SH3BGRL: variants seen among roughly 807,000 people sequenced by gnomAD.
SH3BGRL encodes the protein adapter SH3BGRL.
Under a neutral mutation model 9.8 loss-of-function variants are expected in SH3BGRL, and 7 were observed. The ratio of observed to expected loss-of-function variants is 0.72; its 90% confidence interval spans 0.41 to 1.35. SH3BGRL has a LOEUF of 1.35. Ranked by LOEUF, SH3BGRL falls within the 40% of genes most tolerant of loss-of-function variation. The pLI is 0.01. For missense variants in SH3BGRL, 73 were observed against 84.4 expected (o/e 0.86, Z 0.53); for synonymous variants, 36 against 29.1 (o/e 1.24, Z -0.76).
chrX:81,274,570 C>T (rs987734133), intron 1 of SH3BGRL, among the ~76,000 whole-genome samples: 2 of 108,506 alleles, frequency 1.8e-5, no homozygotes, highest in Non-Finnish European at 3.8e-5. Flanking sequence ...CTAGCCTGGG[C>T]GACAGAGCTA....
chrX:81,215,359 A>G (rs945912594), intron 1 of SH3BGRL, among the ~76,000 whole-genome samples: 33 of 111,199 alleles, frequency 3.0e-4, no homozygotes, highest in Middle Eastern at 4.6e-3. Context: ...CCGATTCTGA[A>G]TCTATGATTT....
At chrX:81,279,765 A>C (rs747201950) in intron 3 of SH3BGRL, among the ~76,000 whole-genome samples, 201 of 111,005 alleles carry the variant, frequency 1.8e-3, no homozygotes, top group African/African-American at 6.2e-3. Flanking sequence ...CAGGGGTTAA[A>C]ACTCCACAGA....
intron 1 of SH3BGRL, among the ~76,000 whole-genome samples, chrX:81,245,436 C>T (rs1342641771): frequency 9.0e-6 from 1 of 111,540 alleles, no homozygotes; most frequent in African/African-American, 3.3e-5. Context: ...AGATTTCTTC[C>T]TTTGCACACA....
chrX:81,207,449 C>T (rs2075550908), intron 1 of SH3BGRL, among the ~76,000 whole-genome samples: 1 of 112,196 alleles, frequency 8.9e-6, no homozygotes, highest in Non-Finnish European at 1.9e-5. Flanking sequence ...TGTAATTAGT[C>T]ACTAGTCACA....
At chrX:81,266,990 T>C (rs759428072) in intron 1 of SH3BGRL, among the ~76,000 whole-genome samples, 205 of 111,778 alleles carry the variant, frequency 1.8e-3, no homozygotes, top group African/African-American at 4.5e-3. Flanking sequence ...AGTTCACTCA[T>C]GGTTTGGCTC....
At chrX:81,264,082 G>A (rs778118623) in intron 1 of SH3BGRL, among the ~76,000 whole-genome samples, 1 of 109,692 alleles carries the variant, frequency 9.1e-6, no homozygotes, top group Non-Finnish European at 1.9e-5. Context: ...TCAAGAGAAA[G>A]GAGATTATAA....
chrX:81,274,825 T>G (rs1043581295), intron 1 of SH3BGRL, among the ~76,000 whole-genome samples: 1 of 111,734 alleles, frequency 8.9e-6, no homozygotes, highest in African/African-American at 3.3e-5. Flanking sequence ...TTTTTTAACT[T>G]TCCCTGAAGA....
chrX:81,288,051 C>T (rs1424714059), intron 3 of SH3BGRL, among the ~76,000 whole-genome samples: 1 of 111,195 alleles, frequency 9.0e-6, no homozygotes, highest in African/African-American at 3.3e-5. Flanking sequence ...AATATATTAG[C>T]AAACAGAATT....
chrX:81,232,686 T>G (rs1285610041), intron 1 of SH3BGRL, among the ~76,000 whole-genome samples: 1 of 110,827 alleles, frequency 9.0e-6, no homozygotes, highest in Non-Finnish European at 1.9e-5. Context: ...TTACTATTTT[T>G]GAGGTCCAGC....
intron 3 of SH3BGRL, among the ~76,000 whole-genome samples, chrX:81,284,056 A>G (rs1276702546): frequency 1.8e-5 from 2 of 109,265 alleles, no homozygotes; most frequent in African/African-American, 6.7e-5. Flanking sequence ...CAAGAACTCA[A>G]CCCCTTTTAT....
chrX:81,225,455 G>T (rs971122289), intron 1 of SH3BGRL, among the ~76,000 whole-genome samples: 85 of 110,546 alleles, frequency 7.7e-4, no homozygotes, highest in African/African-American at 2.7e-3. Flanking sequence ...ATTTAACTCT[G>T]CATGACTATG....
chrX:81,289,896 T>A (rs1369986144), intron 3 of SH3BGRL, among the ~76,000 whole-genome samples: 1 of 111,548 alleles, frequency 9.0e-6, no homozygotes, highest in African/African-American at 3.3e-5. Flanking sequence ...ATTCTAATAA[T>A]CCAATTAAAA....
intron 1 of SH3BGRL, among the ~76,000 whole-genome samples, chrX:81,235,532 G>A: frequency 9.0e-6 from 1 of 110,886 alleles, no homozygotes; most frequent in East Asian, 2.8e-4. Context: ...ATAGTTTACT[G>A]TTTTCAGATA....
At chrX:81,264,124 T>C (rs939017628) in intron 1 of SH3BGRL, among the ~76,000 whole-genome samples, 2 of 110,835 alleles carry the variant, frequency 1.8e-5, no homozygotes, top group Non-Finnish European at 3.8e-5. Flanking sequence ...TCATAAGGGA[T>C]ATTTAGGACA....
At chrX:81,275,301 G>A (rs1258091083) in intron 1 of SH3BGRL, among the ~76,000 whole-genome samples, 9 of 110,528 alleles carry the variant, frequency 8.1e-5, no homozygotes, top group Non-Finnish European at 1.5e-4. Context: ...GTTTTCACAC[G>A]TTGCCCAGGC....
intron 1 of SH3BGRL, among the ~76,000 whole-genome samples, chrX:81,275,066 C>T (rs1474571098): frequency 9.0e-6 from 1 of 111,114 alleles, no homozygotes; most frequent in Non-Finnish European, 1.9e-5. Context: ...TGATACCAGG[C>T]CTGGCGACCA....
At chrX:81,229,442 C>A (rs2147678718) in intron 1 of SH3BGRL, among the ~76,000 whole-genome samples, 1 of 111,795 alleles carries the variant, frequency 8.9e-6, no homozygotes, top group South Asian at 3.8e-4. Context: ...GGTTTCTTGC[C>A]TTGGTGTACC....
At chrX:81,224,528 C>A (rs1213395307) in intron 1 of SH3BGRL, among the ~76,000 whole-genome samples, 1 of 111,103 alleles carries the variant, frequency 9.0e-6, no homozygotes, top group East Asian at 2.8e-4. Context: ...CTTTAAAACA[C>A]AATTTATAAT....
intron 1 of SH3BGRL, among the ~76,000 whole-genome samples, chrX:81,244,234 G>T (rs1391167565): frequency 4.5e-5 from 5 of 111,326 alleles, no homozygotes; most frequent in Non-Finnish European, 9.4e-5. Flanking sequence ...AGTGCTGGGG[G>T]GACACATGAA....
Sources: allele counts gnomAD v4.1 joint callset (sites outside exome capture counted in the v4.1 genomes callset), GRCh38; gene constraint gnomAD v4.1.1; transcripts MANE v1.5; gene names NCBI Gene and HGNC (gene_info 2026-07-23, HGNC 2026-07-21).